SUMF1: variants seen among roughly 807,000 people sequenced by gnomAD.
SUMF1 encodes formylglycine-generating enzyme.
SUMF1 carries 48 observed loss-of-function variants against 47.6 expected under a neutral mutation model. The ratio of observed to expected loss-of-function variants is 1.01; its 90% CI spans 0.80 to 1.28. The LOEUF (loss-of-function observed/expected upper bound fraction) is 1.28. Among genes scored for constraint, SUMF1 ranks in the 50% most tolerant of loss-of-function variants. SUMF1 has a pLI of 0.00. For missense variants in SUMF1, 571 were observed against 485.4 expected, an observed-to-expected ratio of 1.18 and a Z score of -1.66; for synonymous variants, 230 against 192.1, an observed-to-expected ratio of 1.20 and a Z score of -1.63.
intron 8 of SUMF1, among the ~76,000 whole-genome samples, chr3:4,197,573 A>C (rs1695456281): frequency 6.6e-6 from 1 of 152,176 alleles, no homozygotes; most frequent in South Asian, 2.1e-4. Context: ...AAAGAACAGG[A>C]GAAAGAATGT....
intron 8 of SUMF1, among the ~76,000 whole-genome samples, chr3:4,328,439 T>A (rs1559227626): frequency 1.3e-5 from 2 of 152,146 alleles, no homozygotes; most frequent in Non-Finnish European, 2.9e-5. Context: ...CAGTTCCACA[T>A]GGCTGGGGAG....
intron 8 of SUMF1, among the ~76,000 whole-genome samples, chr3:4,097,244 A>G (rs1427955621): frequency 6.6e-6 from 1 of 152,088 alleles, no homozygotes; most frequent in Non-Finnish European, 1.5e-5. Context: ...CTGTAAGTTT[A>G]TTATTTCTTT....
chr3:4,035,094 A>G (rs1453624523), intron 9 of SUMF1, among the ~76,000 whole-genome samples: 1 of 152,108 alleles, frequency 6.6e-6, no homozygotes, highest in Non-Finnish European at 1.5e-5. Context: ...ACTGATGGCC[A>G]TAATAAAGTG....
At chr3:4,306,054 G>A (rs1215594090) in intron 8 of SUMF1, among the ~76,000 whole-genome samples, 1 of 152,142 alleles carries the variant, frequency 6.6e-6, no homozygotes, top group Non-Finnish European at 1.5e-5. Flanking sequence ...GTGGTGGGTT[G>A]GGCTGCAAAG....
intron 8 of SUMF1, among the ~76,000 whole-genome samples, chr3:4,236,264 A>T (rs1208683016): frequency 6.6e-6 from 1 of 152,132 alleles, no homozygotes; most frequent in East Asian, 1.9e-4. Context: ...TTGGCAAGGG[A>T]TAATAAATGT....
chr3:4,171,565 A>G (rs1019050534), intron 8 of SUMF1, among the ~76,000 whole-genome samples: 1 of 152,204 alleles, frequency 6.6e-6, no homozygotes, highest in African/African-American at 2.4e-5. Context: ...CTGAAATACA[A>G]GTGTCTCTAT....
chr3:4,204,184 ACTT>A (rs1695602099), intron 8 of SUMF1, among the ~76,000 whole-genome samples: 1 of 151,960 alleles, frequency 6.6e-6, no homozygotes, highest in Admixed American at 6.6e-5. Context: ...TGTTGACAAA[ACTT>A]CTTGGCTTTT....
chr3:4,036,617 T>TA (rs3048141), intron 9 of SUMF1, among the ~76,000 whole-genome samples: 80,775 of 143,326 alleles, frequency 0.56, 23,403 homozygotes, highest in East Asian at 0.72. Context: ...ATGAATCCAT[T>TA]AAAAAAAAAA....
chr3:4,303,401 C>T lies in SUMF1; in HGVS notation c.1014+72929G>A, dbSNP rs774495639. The stretch of plus-strand genomic sequence containing the variant: ...CGCGGAAGCGGCAAAGACGACACGG[C>T]CTTGTGGGATGGCGGAGTTTAAGGA... On this transcript the variant is annotated intron_variant and NMD_transcript_variant, in intron 8 of 12. Coordinates refer to the SUMF1 transcript ENST00000448413. 8 of 1,558,768 alleles carry T rather than the reference C, an allele frequency of 5.1e-6. No homozygotes were observed. The African/African-American group carries it at 7.1e-5, about 14-fold the overall frequency.
At chr3:4,384,144 A>G (rs1411100306) in intron 7 of SUMF1, among the ~76,000 whole-genome samples, 1 of 152,214 alleles carries the variant, frequency 6.6e-6, no homozygotes, top group Admixed American at 6.5e-5. Context: ...AGCTAGTTCC[A>G]GTCCCTTTCA....
chr3:4,226,256 TTTTG>T (rs1184324410), intron 8 of SUMF1, among the ~76,000 whole-genome samples: 112 of 146,120 alleles, frequency 7.7e-4, no homozygotes, highest in African/African-American at 2.4e-3. Context: ...ATTGTTTTTT[TTTTG>T]TTTCTTTTTT....
At chr3:4,068,756 T>TAAG (rs34308595) in intron 8 of SUMF1, 71,897 of 328,560 alleles carry the variant, frequency 0.22, 9,239 homozygotes, top group Middle Eastern at 0.28. Context: ...CTAAAACAAA[T>TAAG]AAGAAGAAGA....
intron 8 of SUMF1, among the ~76,000 whole-genome samples, chr3:4,348,513 G>A (rs192836837): frequency 9.8e-4 from 149 of 152,198 alleles, no homozygotes; most frequent in South Asian, 1.7e-3. Flanking sequence ...CTTACACCTT[G>A]TACAAACATT....
intron 8 of SUMF1, among the ~76,000 whole-genome samples, chr3:4,076,467 T>C (rs1692436735): frequency 1.3e-5 from 2 of 152,070 alleles, no homozygotes; most frequent in Admixed American, 6.5e-5. Context: ...CCAAAAGCAA[T>C]GGCAACAAAA....
At chr3:4,090,343 G>C (rs984266184) in intron 8 of SUMF1, among the ~76,000 whole-genome samples, 1 of 152,066 alleles carries the variant, frequency 6.6e-6, no homozygotes, top group African/African-American at 2.4e-5. Flanking sequence ...TTTGGAAGCT[G>C]TGCATGTTAG....
At chr3:4,162,451 C>T (rs969096608) in intron 8 of SUMF1, among the ~76,000 whole-genome samples, 6 of 152,114 alleles carry the variant, frequency 3.9e-5, no homozygotes, top group African/African-American at 1.4e-4. Flanking sequence ...AGCCCTTTAC[C>T]CAGCAGTGGC....
chr3:4,412,966 G>A (rs897269204), intron 6 of SUMF1, among the ~76,000 whole-genome samples: 7 of 152,112 alleles, frequency 4.6e-5, no homozygotes, highest in African/African-American at 1.7e-4. Context: ...ACAGGTGGAG[G>A]TGCTCTCAAA....
intron 8 of SUMF1, among the ~76,000 whole-genome samples, chr3:4,074,673 T>G (rs1191558518): frequency 6.6e-6 from 1 of 151,880 alleles, no homozygotes; most frequent in Non-Finnish European, 1.5e-5. Context: ...ACCGATCCCA[T>G]GGAAATACAA....
chr3:4,361,030 C>A (rs1699738840), downstream of SUMF1: 1 of 152,168 alleles, frequency 6.6e-6, no homozygotes, highest in Non-Finnish European at 1.5e-5. Context: ...TCAAAGTTAT[C>A]CATTAGCTAA....
Sources: allele counts gnomAD v4.1 joint callset (sites outside exome capture counted in the v4.1 genomes callset), GRCh38; gene constraint gnomAD v4.1.1; transcripts MANE v1.5; gene names NCBI Gene and HGNC (gene_info 2026-07-23, HGNC 2026-07-21).